GSPT1: variants seen among roughly 807,000 people sequenced by gnomAD.
GSPT1 encodes eukaryotic peptide chain release factor GTP-binding subunit ERF3A.
GSPT1 carries 20 observed loss-of-function variants against 72.5 expected under a neutral mutation model. That is an observed-to-expected ratio of 0.28 (90% confidence interval 0.19 to 0.40). GSPT1 has a LOEUF of 0.40. Among genes scored for constraint, GSPT1 ranks in the 10% least tolerant of loss-of-function variants. The probability of loss-of-function intolerance (pLI) is 1.00; values close to 1 mark genes in which losing one functional copy is unlikely to be tolerated. For missense variants in GSPT1, 580 were observed against 811.9 expected, an observed-to-expected ratio of 0.71 and a Z score of 3.47; for synonymous variants, 334 against 293.5, an observed-to-expected ratio of 1.14 and a Z score of -1.41.
At chr16:11,885,031 G>A in intron 10 of GSPT1, 150 bp downstream of exon 10, 1 of 514,636 alleles carries the variant, frequency 1.9e-6, no homozygotes, top group East Asian at 3.5e-5. Context: ...TCGCGCCACT[G>A]CACTCCAGCC....
intron 5 of GSPT1, among the ~76,000 whole-genome samples, chr16:11,894,303 T>C (rs1487573454): frequency 6.6e-6 from 1 of 151,748 alleles, no homozygotes; most frequent in East Asian, 1.9e-4. Context: ...TTTTTAGTTA[T>C]CAAGATTTGT....
Position 11,871,397 on chromosome 16 carries a change from G to C in GSPT1, c.*1722C>G, listed in dbSNP as rs913168752. The stretch of plus-strand genomic sequence containing the variant: ...AGCCTGACCAATAGGGGGAAACCTC[G>C]TCTCCACTAAAGATACAAAAATTAA... On this transcript the variant is annotated 3_prime_UTR_variant, in exon 15 of 15. Coordinates refer to ENST00000434724, the MANE Select transcript of GSPT1 (RefSeq NM_002094.4). 1 of 152,074 alleles carries C rather than the reference G, an allele frequency of 6.6e-6. No individual in the cohort carries two copies. The highest frequency in any genetic ancestry group is 2.4e-5 in the African/African-American group (1 of 41,392). The allele number at this position is 152,074 out of a possible 1,614,324, so 9.4% of individuals were successfully genotyped here.
At position 11,871,161 on chromosome 16, in the gene GSPT1, T is replaced by C. The variant is rs945370980; in HGVS notation, c.*1958A>G. ...GATTTGCAGACATAATAAAATCTATTTAAATTTCATGCAATAGCCATAATT... is the reference window on the plus strand; with the variant it reads ...GATTTGCAGACATAATAAAATCTATCTAAATTTCATGCAATAGCCATAATT... On this transcript the variant is annotated 3_prime_UTR_variant, in exon 15 of 15. Transcript: ENST00000434724. The C allele has an allele frequency of 6.6e-6, 1 of 152,208 alleles. No individual in the cohort carries two copies. Among genetic ancestry groups the C allele is most frequent in the African/African-American group, 2.4e-5 (1 of 41,452 alleles). 9.4% of individuals were successfully genotyped at this position (152,208 alleles called of 1,614,324 possible). A position where few individuals can be genotyped will look rare whatever the true frequency, so the allele number is the denominator to read the frequency against.
At chr16:11,899,602 AT>A (rs1219818375) in intron 1 of GSPT1, among the ~76,000 whole-genome samples, 1 of 152,184 alleles carries the variant, frequency 6.6e-6, no homozygotes, top group Non-Finnish European at 1.5e-5. Context: ...GGGGAAACGC[AT>A]TTGAACCTGG....
At chr16:11,902,290 G>A (rs1205961055) in intron 1 of GSPT1, among the ~76,000 whole-genome samples, 1 of 150,210 alleles carries the variant, frequency 6.7e-6, no homozygotes, top group Non-Finnish European at 1.5e-5. Context: ...GCCAAGGCAG[G>A]AGAATGGCAT....
intron 1 of GSPT1, among the ~76,000 whole-genome samples, chr16:11,905,176 C>T (rs1455387389): frequency 9.2e-5 from 14 of 152,178 alleles, no homozygotes; most frequent in South Asian, 6.2e-4. Context: ...AGAAGTGTCT[C>T]ACATTGCATG....
At chr16:11,894,539 C>T (rs1461008709) in intron 5 of GSPT1, among the ~76,000 whole-genome samples, 2 of 152,092 alleles carry the variant, frequency 1.3e-5, no homozygotes, top group Non-Finnish European at 2.9e-5. Flanking sequence ...CAAAGGAGAC[C>T]AAGTTTCCCA....
intron 14 of GSPT1, among the ~76,000 whole-genome samples, chr16:11,875,064 C>A (rs904702587): frequency 5.9e-5 from 9 of 152,114 alleles, no homozygotes; most frequent in African/African-American, 2.2e-4. Flanking sequence ...GTGGCAGCAC[C>A]TATAGTCCCA....
chr16:11,913,538 C>T (rs922367645), intron 1 of GSPT1, among the ~76,000 whole-genome samples: 1 of 152,214 alleles, frequency 6.6e-6, no homozygotes, highest in Non-Finnish European at 1.5e-5. Flanking sequence ...AATACCTAGT[C>T]ACCAACAGTG....
intron 6 of GSPT1, 71 bp from the exon 7 acceptor site, chr16:11,887,821 A>ATATCTTTAATGGTG: frequency 1.9e-6 from 2 of 1,033,410 alleles, no homozygotes; most frequent in Non-Finnish European, 2.9e-6. Context: ...CTTCACCATT[A>ATATCTTTAATGGTG]AAGATATAAT....
chr16:11,882,211 T>C (rs936120323), intron 11 of GSPT1: 3 of 152,242 alleles, frequency 2.0e-5, no homozygotes, highest in Non-Finnish European at 4.4e-5. Flanking sequence ...AATGTGCCAC[T>C]GCACTCCAGC....
At chr16:11,892,585 T>C (rs1272209739) in intron 5 of GSPT1, among the ~76,000 whole-genome samples, 1 of 149,530 alleles carries the variant, frequency 6.7e-6, no homozygotes. Context: ...TCCCAGCACT[T>C]TGCGAGGCCA....
In GSPT1 at chr16:11,870,148, A is replaced by G. The variant is rs1423998025; in HGVS notation, c.*2971T>C. 1 of 152,134 alleles carries G rather than the reference A, an allele frequency of 6.6e-6. No homozygotes were observed. Among genetic ancestry groups the G allele is most frequent in the Non-Finnish European group, 1.5e-5 (1 of 68,024 alleles). 9.4% of individuals were successfully genotyped at this position (152,134 alleles called of 1,614,324 possible). On this transcript the variant is annotated 3_prime_UTR_variant, in exon 15 of 15. Transcript: ENST00000434724. ...AAAAAATACATGGGCTTAATTACTC[A>G]GTAACACTTTACTATTTGTCACTTA...
intron 1 of GSPT1, 25 bp from the exon 2 acceptor site, chr16:11,898,060 T>G (rs969549889): frequency 7.0e-7 from 1 of 1,435,256 alleles, no homozygotes; most frequent in Admixed American, 2.0e-5. Flanking sequence ...GAAGTTCTAT[T>G]AAAAATTGAT....
At chr16:11,889,221 T>C (rs1023758292) in intron 6 of GSPT1, among the ~76,000 whole-genome samples, 3 of 150,522 alleles carry the variant, frequency 2.0e-5, no homozygotes, top group Non-Finnish European at 4.4e-5. Context: ...AGCAGGAGAA[T>C]GGTGTGAACC....
At chr16:11,888,910 CTG>C (rs2054218585) in intron 6 of GSPT1, among the ~76,000 whole-genome samples, 3 of 152,316 alleles carry the variant, frequency 2.0e-5, no homozygotes, top group Admixed American at 6.5e-5. Context: ...GCCAATATCA[CTG>C]TGTGTTAAGT....
At chr16:11,885,821 G>T (rs1353075294) in intron 9 of GSPT1, among the ~76,000 whole-genome samples, 3 of 152,068 alleles carry the variant, frequency 2.0e-5, no homozygotes, top group African/African-American at 7.2e-5. Context: ...GAGCTGGGAG[G>T]CAGAGGTTGC....
At chr16:11,876,669 G>T (rs1177610334) in intron 12 of GSPT1, among the ~76,000 whole-genome samples, 1 of 152,120 alleles carries the variant, frequency 6.6e-6, no homozygotes, top group Non-Finnish European at 1.5e-5. Context: ...CTTGAATCCC[G>T]GAGGTGGAGG....
chr16:11,916,100 G>T, upstream of GSPT1: 4 of 478,268 alleles, frequency 8.4e-6, no homozygotes, highest in Admixed American at 2.7e-5. Flanking sequence ...TAGCGCGGCG[G>T]GAGGTGGAAC....
Sources: allele counts gnomAD v4.1 joint callset (sites outside exome capture counted in the v4.1 genomes callset), GRCh38; gene constraint gnomAD v4.1.1; transcripts MANE v1.5; gene names NCBI Gene and HGNC (gene_info 2026-07-23, HGNC 2026-07-21).